The following NNT variants were observed in gnomAD, a reference collection of about 807,000 sequenced individuals.
NNT encodes nicotinamide nucleotide transhydrogenase.
A neutral mutation model predicts 104.8 loss-of-function variants in NNT; 50 were observed. The ratio of observed to expected loss-of-function variants is 0.48; its 90% CI spans 0.38 to 0.60. The LOEUF is 0.60. NNT is among the 20% of genes least tolerant of loss of function. The pLI, the probability that NNT is intolerant of heterozygous loss-of-function variation, is 0.00. For synonymous variants in NNT, 461 were observed against 490.4 expected (o/e 0.94, Z 0.79); for missense variants, 1,131 against 1,330.7 (o/e 0.85, Z 2.33).
At chr5:43,681,128 C>A (rs1022649739) in intron 19 of NNT, among the ~76,000 whole-genome samples, 1 of 151,416 alleles carries the variant, frequency 6.6e-6, no homozygotes, top group South Asian at 2.1e-4. Context: ...GGCATGGTGG[C>A]GGGCACCTGT....
intron 1 of NNT, among the ~76,000 whole-genome samples, chr5:43,608,337 G>A (rs938270061): frequency 6.6e-6 from 1 of 152,186 alleles, no homozygotes; most frequent in Non-Finnish European, 1.5e-5. Flanking sequence ...GAGGAATGTG[G>A]TGGAGGTAGT....
intron 1 of NNT, among the ~76,000 whole-genome samples, chr5:43,607,785 C>T (rs993927857): frequency 1.3e-5 from 2 of 152,174 alleles, no homozygotes; most frequent in African/African-American, 2.4e-5. Flanking sequence ...GTCTTTCTCC[C>T]TCTGGAGTCT....
chr5:43,693,679 A>G (rs1742405027), intron 19 of NNT, among the ~76,000 whole-genome samples: 1 of 152,224 alleles, frequency 6.6e-6, no homozygotes, highest in Non-Finnish European at 1.5e-5. Flanking sequence ...TTTGGTTAAA[A>G]AAATAAACAA....
chr5:43,666,480 C>T (rs1449707936), intron 17 of NNT, among the ~76,000 whole-genome samples: 2 of 151,984 alleles, frequency 1.3e-5, no homozygotes, highest in African/African-American at 4.8e-5. Flanking sequence ...CAATCCCAGG[C>T]ACTCAGCAGC....
At chr5:43,667,468 C>T (rs1170850312) in intron 17 of NNT, among the ~76,000 whole-genome samples, 4 of 152,110 alleles carry the variant, frequency 2.6e-5, no homozygotes, top group Non-Finnish European at 5.9e-5. Flanking sequence ...CTTCCTGTGT[C>T]CATGTGTTCT....
intron 7 of NNT, among the ~76,000 whole-genome samples, chr5:43,628,834 G>A (rs183142567): frequency 4.9e-4 from 74 of 152,140 alleles, no homozygotes; most frequent in Middle Eastern, 6.8e-3. Context: ...TGATCCGCCC[G>A]CCTTGGTCTC....
At chr5:43,657,141 G>A (rs1256462492) in intron 16 of NNT, among the ~76,000 whole-genome samples, 1 of 152,174 alleles carries the variant, frequency 6.6e-6, no homozygotes, top group Non-Finnish European at 1.5e-5. Flanking sequence ...CCTACTATAT[G>A]ACAAGCCCTA....
chr5:43,608,682 T>C (rs1749350393), intron 1 of NNT, among the ~76,000 whole-genome samples: 1 of 152,228 alleles, frequency 6.6e-6, no homozygotes, highest in African/African-American at 2.4e-5. Flanking sequence ...ACCTGGTGGC[T>C]AAATGTAAGT....
At chr5:43,613,301 G>T in intron 3 of NNT, 164 bp downstream of exon 3, 1 of 592,364 alleles carries the variant, frequency 1.7e-6, no homozygotes. Flanking sequence ...TCATGCTCCA[G>T]TAAAACTTTT....
chr5:43,700,324 G>A, intron 20 of NNT, 87 bp downstream of exon 20: 1 of 877,280 alleles, frequency 1.1e-6, no homozygotes, highest in Non-Finnish European at 1.8e-6. Flanking sequence ...TAGATTCAGT[G>A]AAGACTGACT....
chr5:43,658,610 G>A (rs979694847), intron 16 of NNT, among the ~76,000 whole-genome samples: 3 of 152,154 alleles, frequency 2.0e-5, no homozygotes, highest in Non-Finnish European at 4.4e-5. Context: ...AGGATTGCTT[G>A]GAGTCTGTCT....
chr5:43,655,974 G>T lies in NNT; in HGVS notation c.2194G>T (p.Asp732Tyr). 6.2e-7 allele frequency: 1 copy of T among 1,614,208 alleles called. No homozygotes were observed. Among genetic ancestry groups the T allele is most frequent in the Non-Finnish European group, 8.5e-7 (1 of 1,180,026 alleles). Residue 732 changes from aspartate (D) to tyrosine (Y), a missense_variant, in exon 15 of 22, where the codon GAT becomes TAT. By Grantham distance (160) the Asp-to-Tyr change is radical (BLOSUM62 -3). Transcript: ENST00000344920. ...TATAGAATATCCACATTTTGCTACG[G>T]ATGCAGCAGCAAATCTCACCAAGAT... ...YIIEYPHFAT[D>Y]AAANLTKIVA...
intron 17 of NNT, chr5:43,666,943 G>T: frequency 6.3e-7 from 1 of 1,587,258 alleles, no homozygotes; most frequent in African/African-American, 1.3e-5. Context: ...GGCAATGTAG[G>T]CAAGTGGATC....
chr5:43,619,333 G>A (rs985706821), intron 5 of NNT, among the ~76,000 whole-genome samples: 1 of 151,938 alleles, frequency 6.6e-6, no homozygotes, highest in African/African-American at 2.4e-5. Context: ...AGTCTTTTCT[G>A]TTTTTTGACT....
intron 20 of NNT, among the ~76,000 whole-genome samples, chr5:43,700,754 A>G (rs2112250304): frequency 6.6e-6 from 1 of 152,362 alleles, no homozygotes; most frequent in East Asian, 1.9e-4. Context: ...TATAGCTGTC[A>G]TAGGGTAGAT....
intron 5 of NNT, among the ~76,000 whole-genome samples, chr5:43,622,143 C>T (rs1052299448): frequency 1.3e-4 from 20 of 152,072 alleles, no homozygotes; most frequent in South Asian, 4.2e-4. Flanking sequence ...GGGACGATGG[C>T]GGCACCAGAA....
At chr5:43,699,333 A>C (rs1742728264) in intron 19 of NNT, among the ~76,000 whole-genome samples, 1 of 147,368 alleles carries the variant, frequency 6.8e-6, no homozygotes, top group Non-Finnish European at 1.5e-5. Flanking sequence ...CATGTGTATG[A>C]CAACATTTTA....
intron 19 of NNT, among the ~76,000 whole-genome samples, chr5:43,680,021 A>G (rs1474750336): frequency 6.6e-6 from 1 of 151,886 alleles, no homozygotes; most frequent in African/African-American, 2.4e-5. Flanking sequence ...TTTTTACTAT[A>G]GTATGTTGAA....
At chr5:43,655,716 C>T (rs1265898593) in intron 14 of NNT, 124 bp from the exon 15 acceptor site, 7 of 694,456 alleles carry the variant, frequency 1.0e-5, no homozygotes, top group Non-Finnish European at 1.7e-5. Context: ...GAATATTTAG[C>T]CCGTACTAGG....
Sources: allele counts gnomAD v4.1 joint callset (sites outside exome capture counted in the v4.1 genomes callset), GRCh38; gene constraint gnomAD v4.1.1; transcripts MANE v1.5; gene names NCBI Gene and HGNC (gene_info 2026-07-23, HGNC 2026-07-21).